PSD3: variants seen among roughly 807,000 people sequenced by gnomAD.
PSD3 encodes pleckstrin and Sec7 domain containing 3.
PSD3 carries 49 observed loss-of-function variants against 105.5 expected under a neutral mutation model. The observed-to-expected ratio is 0.46, with a 90% CI of 0.37 to 0.59. PSD3 has a LOEUF of 0.59. PSD3 is among the 20% of genes least tolerant of loss of function. PSD3 has a pLI of 0.00. For synonymous variants in PSD3, 557 were observed against 457.8 expected (o/e 1.22, Z -2.77); for missense variants, 1,561 against 1,263.8 (o/e 1.24, Z -3.57).
intron 1 of PSD3, among the ~76,000 whole-genome samples, chr8:19,073,048 A>C (rs1160146779): frequency 1.3e-5 from 2 of 152,200 alleles, no homozygotes; most frequent in Non-Finnish European, 2.9e-5. Flanking sequence ...AAAATGGTTA[A>C]TTATCTGAGA....
Position 18,652,493 on chromosome 8 carries a change from G to GTTTTTTTTT in PSD3, c.2216+3140_2216+3148dup, listed in dbSNP as rs67555804. ...ACACTTTTATCAAGGAAAAAGCTTA[G>GTTTTTTTTT]TTTTTTTTTTTTTTTTTTTTTTGAG... is the stretch of plus-strand genomic sequence containing the variant. On this transcript the variant is annotated intron_variant, in intron 10 of 15. Transcript: ENST00000327040. Among the ~76,000 whole-genome samples the GTTTTTTTTT allele has an allele frequency of 5.2e-4, 48 of 92,600 alleles. 2 individuals are homozygous for GTTTTTTTTT. The highest frequency in any genetic ancestry group is 5.6e-4 in the African/African-American group (13 of 23,196). 60.7% of individuals were successfully genotyped at this position (92,600 alleles called of 152,430 possible). A position where few individuals can be genotyped will look rare whatever the true frequency, so the allele number is the denominator to read the frequency against.
chr8:18,704,711 C>T (rs1010207892), intron 9 of PSD3, among the ~76,000 whole-genome samples: 1 of 152,136 alleles, frequency 6.6e-6, no homozygotes, highest in East Asian at 1.9e-4. Flanking sequence ...CTATCTAGTT[C>T]TATTGCTTTG....
intron 9 of PSD3, among the ~76,000 whole-genome samples, chr8:18,656,155 T>TC (rs1388729196): frequency 6.6e-6 from 1 of 152,176 alleles, no homozygotes; most frequent in Non-Finnish European, 1.5e-5. Context: ...CCTCCTGGGT[T>TC]CAAGTGATTC....
intron 4 of PSD3, among the ~76,000 whole-genome samples, chr8:18,832,616 A>G (rs944061679): frequency 6.6e-6 from 1 of 151,738 alleles, no homozygotes; most frequent in Admixed American, 6.6e-5. Flanking sequence ...AATGGTCAAC[A>G]TATTAGTCCA....
At chr8:18,560,957 C>T (rs1361464546) in intron 14 of PSD3, among the ~76,000 whole-genome samples, 16 of 151,810 alleles carry the variant, frequency 1.1e-4, no homozygotes, top group Admixed American at 2.6e-4. Flanking sequence ...TTTTTGCCCC[C>T]GTCTTCTGTC....
intron 2 of PSD3, among the ~76,000 whole-genome samples, chr8:18,905,784 C>T (rs1819807109): frequency 6.6e-6 from 1 of 152,016 alleles, no homozygotes; most frequent in Non-Finnish European, 1.5e-5. Flanking sequence ...TTATTTTTTA[C>T]TGGATGATAT....
intron 11 of PSD3, among the ~76,000 whole-genome samples, chr8:18,622,205 C>A (rs1270734463): frequency 6.6e-6 from 1 of 152,140 alleles, no homozygotes; most frequent in Non-Finnish European, 1.5e-5. Context: ...TGTACAATGA[C>A]TAAAGAATCT....
upstream of PSD3, among the ~76,000 whole-genome samples, chr8:19,016,166 C>T (rs1827172613): frequency 6.6e-6 from 1 of 152,122 alleles, no homozygotes; most frequent in South Asian, 2.1e-4. Flanking sequence ...GCTACCATAG[C>T]CCCCAGTGCT....
intron 11 of PSD3, among the ~76,000 whole-genome samples, chr8:18,614,623 C>A (rs980500112): frequency 2.0e-5 from 3 of 152,100 alleles, no homozygotes; most frequent in Admixed American, 6.6e-5. Flanking sequence ...ACATTTGTGA[C>A]AAGTGACTTC....
At chr8:18,791,159 A>C (rs1029010945) in intron 8 of PSD3, among the ~76,000 whole-genome samples, 2 of 152,216 alleles carry the variant, frequency 1.3e-5, no homozygotes, top group Non-Finnish European at 2.9e-5. Flanking sequence ...TATCCAAAGC[A>C]ATTTATAGAT....
chr8:18,937,298 C>T (rs1035912455), intron 1 of PSD3, among the ~76,000 whole-genome samples: 4 of 152,354 alleles, frequency 2.6e-5, no homozygotes, highest in South Asian at 2.1e-4. Context: ...CAGATATCAC[C>T]GGTACTGGTT....
At chr8:19,020,302 G>C (rs1387908235) in intron 1 of PSD3, among the ~76,000 whole-genome samples, 2 of 152,114 alleles carry the variant, frequency 1.3e-5, no homozygotes, top group African/African-American at 4.8e-5. Flanking sequence ...CAGGAGAGTA[G>C]ATGATTGCAA....
chr8:19,073,080 A>C (rs1829325983), intron 1 of PSD3, among the ~76,000 whole-genome samples: 1 of 152,192 alleles, frequency 6.6e-6, no homozygotes, highest in East Asian at 1.9e-4. Flanking sequence ...TATACCTGCT[A>C]TACTTGTAAT....
rs79223020 is a variant in PSD3 at position 19,049,536 on chromosome 8, A to T, written c.324+34670T>A. 2.5e-3 allele frequency among the ~76,000 whole-genome samples: 384 copies of T among 152,022 alleles called. 4 individuals carry two copies. The East Asian group carries it at 0.035, about 14-fold the overall frequency. ...AAGACCCTACCTCTGCAAAATTTTT[A>T]AAAAATTAGCCAGACATAGTGGTGC... On this transcript the variant is annotated intron_variant, in intron 1 of 1. Transcript: ENST00000521475.
chr8:18,620,111 A>G (rs2130706260), intron 11 of PSD3, among the ~76,000 whole-genome samples: 1 of 152,308 alleles, frequency 6.6e-6, no homozygotes. Flanking sequence ...CTACTCTTCA[A>G]GTCCTCAGAC....
At chr8:18,540,006 G>A (rs996498256) in intron 15 of PSD3, among the ~76,000 whole-genome samples, 1 of 152,078 alleles carries the variant, frequency 6.6e-6, no homozygotes, top group African/African-American at 2.4e-5. Flanking sequence ...TAATGGAACT[G>A]TGCGCTTTAT....
chr8:18,595,261 A>G (rs910317203), intron 12 of PSD3, among the ~76,000 whole-genome samples: 1 of 137,812 alleles, frequency 7.3e-6, no homozygotes, highest in African/African-American at 2.6e-5. Flanking sequence ...AAAGAAAATG[A>G]GAATAAAGAA....
chr8:18,967,958 A>G (rs1216265823), intron 1 of PSD3, among the ~76,000 whole-genome samples: 3 of 152,222 alleles, frequency 2.0e-5, no homozygotes, highest in African/African-American at 7.2e-5. Flanking sequence ...CAAGTTCTAC[A>G]AAAGGCTAGC....
At chr8:19,078,040 G>A (rs1034885094) in intron 1 of PSD3, among the ~76,000 whole-genome samples, 80 of 152,036 alleles carry the variant, frequency 5.3e-4, no homozygotes, top group African/African-American at 1.8e-3. Context: ...AAAAAAATTT[G>A]TTCTTTTTGA....
Sources: gnomAD v4.1 joint callset for allele counts (sites outside exome capture counted in the v4.1 genomes callset) on GRCh38, gnomAD v4.1.1 for gene constraint, MANE v1.5 for transcripts, NCBI Gene and HGNC (gene_info 2026-07-23, HGNC 2026-07-21) for gene names.